The following ATP13A1 variants were observed in gnomAD, a reference collection of about 807,000 sequenced individuals.
The protein encoded by ATP13A1 is ATPase 13A1, also known as endoplasmic reticulum transmembrane helix translocase.
A neutral mutation model predicts 134.8 loss-of-function variants in ATP13A1; 55 were observed. The ratio of observed to expected loss-of-function variants is 0.41; its 90% CI spans 0.33 to 0.51. The LOEUF (loss-of-function observed/expected upper bound fraction) is 0.51. Among genes scored for constraint, ATP13A1 ranks in the 20% least tolerant of loss-of-function variants. ATP13A1 has a pLI of 0.29. For missense variants in ATP13A1, 1,389 were observed against 1,652.8 expected (o/e 0.84, Z 2.77); for synonymous variants, 775 against 725.1 (o/e 1.07, Z -1.10).
chr19:19,662,640 C>A (rs1202554993), intron 1 of ATP13A1, among the ~76,000 whole-genome samples: 2 of 152,158 alleles, frequency 1.3e-5, no homozygotes, highest in African/African-American at 4.8e-5. Flanking sequence ...GCTGTTGTAT[C>A]CCCGACAGAA....
At chr19:19,649,116 C>A (rs112879098) in intron 19 of ATP13A1, among the ~76,000 whole-genome samples, 23,012 of 150,476 alleles carry the variant, frequency 0.15, 1,954 homozygotes, top group Middle Eastern at 0.3. Context: ...AGCAAGGCTC[C>A]GTCAAAAAAA....
chr19:19,647,459 T>C lies in ATP13A1; in HGVS notation c.2863A>G (p.Ser955Gly), dbSNP rs1247106600. ...TTGGAGGTGAAGGGTGCTGCGATGC[T>C]GGCATCCCCCAGTTTCACAATGGGC... The part of the protein sequence containing the change: ...STPIVKLGDA[S>G]IAAPFTSKLS... The change falls in exon 21 of 26, where the codon AGC (serine) becomes GGC (glycine). Residue 955 changes from serine (S) to glycine (G), a missense_variant. Around this residue, in one of 4 missense-constraint regions of ATP13A1, gnomAD observed 121 missense variants for 104.9 expected, o/e 1.15. Transcript: ENST00000357324. This position sits in a 1 kb window ranked among gnomAD's most constrained non-coding sequence, Gnocchi z 4.8. 6.2e-7 allele frequency: 1 copy of C among 1,613,550 alleles called. No individual in the cohort carries two copies. The highest frequency in any genetic ancestry group is 1.1e-5 in the South Asian group (1 of 91,062).
At chr19:19,646,402 T>G (rs2061986103) in intron 22 of ATP13A1, 55 bp from the exon 23 acceptor site, 1 of 1,604,170 alleles carries the variant, frequency 6.2e-7, no homozygotes. Context: ...GGGGCCACCC[T>G]GCCCACACAG....
rs1334472322 is a variant in ATP13A1 at position 19,647,992 on chromosome 19, T to C, written c.2633-233A>G. On this transcript the variant is annotated intron_variant, in intron 19 of 25. Coordinates refer to ENST00000357324, the MANE Select transcript of ATP13A1 (RefSeq NM_020410.3). This position sits in a 1 kb window ranked among gnomAD's most constrained non-coding sequence, Gnocchi z 4.8. ...CAATAAACCCCCACAACAAATGCAATGAAAAAACACACAACACGAGATAGG... is the reference window on the plus strand; with the variant it reads ...CAATAAACCCCCACAACAAATGCAACGAAAAAACACACAACACGAGATAGG... Among the ~76,000 whole-genome samples the C allele has an allele frequency of 6.6e-6, 1 of 151,964 alleles. No individual in the cohort carries two copies. The highest frequency in any genetic ancestry group is 1.5e-5 in the Non-Finnish European group (1 of 67,988).
At position 19,655,694 on chromosome 19, in the gene ATP13A1, C is replaced by G. The variant is rs752002368; in HGVS notation, c.1270-40G>C. ...GAACAGCCTTTCTGCTGTCTGGACT[C>G]CCTCCAGCAGCTCAGGCCTGGAAGC... is the stretch of plus-strand genomic sequence containing the variant. On this transcript the variant is annotated intron_variant, in intron 9 of 25. Coordinates refer to ENST00000357324, the MANE Select transcript of ATP13A1 (RefSeq NM_020410.3). This position sits in a 1 kb window ranked among gnomAD's most constrained non-coding sequence, Gnocchi z 5.7. 4.4e-6 allele frequency: 7 copies of G among 1,596,766 alleles called. No individual in the cohort carries two copies.
intron 15 of ATP13A1, 111 bp from the exon 16 acceptor site, chr19:19,652,831 T>G: frequency 7.2e-7 from 1 of 1,396,650 alleles, no homozygotes; most frequent in Non-Finnish European, 9.5e-7. Context: ...GAAGGCCCTG[T>G]TCCCGTAGTG....
Position 19,655,842 on chromosome 19 carries a change from C to T in ATP13A1, c.1269+36G>A. ...GGCTGATACCTTGGCTGTCCAACTG[C>T]CCTGGGGCCCGCCCTCCCCAGACCT... On this transcript the variant is annotated intron_variant, in intron 9 of 25. Transcript: ENST00000357324. This position sits in a 1 kb window ranked among gnomAD's most constrained non-coding sequence, Gnocchi z 5.7. 1 of 1,556,634 alleles carries T rather than the reference C, an allele frequency of 6.4e-7. No individual in the cohort carries two copies.
intron 17 of ATP13A1, chr19:19,651,393 A>G: frequency 3.8e-6 from 1 of 262,276 alleles, no homozygotes; most frequent in East Asian, 6.9e-5. Context: ...GATGGGGAGT[A>G]AGCGTGGTAG....
In ATP13A1 at chr19:19,647,665, G is replaced by A. The variant is rs145881010; in HGVS notation, c.2727C>T (p.Ala909=). ...ACCGCTGCTTGGCTGTCCTGGAGGTGGCTCTGATGCCACTGTTGCTCAGGG... is the reference window on the plus strand; with the variant it reads ...ACCGCTGCTTGGCTGTCCTGGAGGTAGCTCTGATGCCACTGTTGCTCAGGG... The part of the protein sequence containing the change: ...SPTLSNSGIR[A]TSRTAKQRSG... Residue 909 remains alanine (A), a synonymous_variant, in exon 20 of 26, where the codon GCC becomes GCT. Transcript: ENST00000357324. The surrounding 1 kb of genome is among the most constrained non-coding windows in gnomAD (Gnocchi z 4.8). The A allele has an allele frequency of 6.2e-7, 1 of 1,612,860 alleles. No individual in the cohort carries two copies. The highest frequency in any genetic ancestry group is 8.5e-7 in the Non-Finnish European group (1 of 1,179,848).
At chr19:19,662,042 CCTTT>C (rs2062098187) in intron 1 of ATP13A1, 7 of 1,563,676 alleles carry the variant, frequency 4.5e-6, no homozygotes, top group African/African-American at 2.7e-5. Context: ...CAGAAGCGGC[CCTTT>C]CTGAGATCTG....
intron 1 of ATP13A1, 136 bp from the exon 2 acceptor site, chr19:19,660,123 A>C: frequency 1.4e-6 from 1 of 711,226 alleles, no homozygotes; most frequent in South Asian, 1.7e-5. Flanking sequence ...TGCCTCTGTC[A>C]CTCCCTCGTC....
At chr19:19,654,204 T>G (rs779940555) in intron 13 of ATP13A1, 60 bp from the exon 14 acceptor site, 68 of 1,489,234 alleles carry the variant, frequency 4.6e-5, no homozygotes, top group Middle Eastern at 2.4e-4. Context: ...GCCAAGCCCC[T>G]ACCTCTCACC....
intron 17 of ATP13A1, chr19:19,651,380 G>A (rs1470185262): frequency 4.2e-6 from 1 of 238,950 alleles, no homozygotes; most frequent in East Asian, 8.2e-5. Context: ...GGATGACACT[G>A]AGGATGGGGA....
chr19:19,650,263 G>C (rs2062015623), intron 17 of ATP13A1: 1 of 441,286 alleles, frequency 2.3e-6, no homozygotes, highest in African/African-American at 2.0e-5. Flanking sequence ...ACACAGAAGG[G>C]GGCTATTGCG....
In ATP13A1 at chr19:19,647,508, C is replaced by T. The variant is rs771007617; in HGVS notation, c.2814G>A (p.Leu938=). The T allele has an allele frequency of 6.2e-7, 1 of 1,613,080 alleles. No homozygotes were observed. Among genetic ancestry groups the T allele is most frequent in the South Asian group, 1.1e-5 (1 of 90,922 alleles). ...TSQRDRLSQV[L]RDLEDESTPI... The stretch of plus-strand genomic sequence containing the variant: ...GCGTACTCTCGTCCTCGAGGTCTCG[C>T]AGCACCTGGCTCAGGCGGTCCTGCA... Residue 938 remains leucine, a synonymous_variant, in exon 21 of 26, where the codon CTG becomes CTA. Coordinates refer to ENST00000357324, the MANE Select transcript of ATP13A1 (RefSeq NM_020410.3). The surrounding 1 kb of genome is among the most constrained non-coding windows in gnomAD (Gnocchi z 4.8).
At chr19:19,652,319 G>C (rs1270287116) in intron 16 of ATP13A1, among the ~76,000 whole-genome samples, 2 of 152,170 alleles carry the variant, frequency 1.3e-5, no homozygotes, top group African/African-American at 4.8e-5. Flanking sequence ...CTTCTCTCCA[G>C]GACGGCGGTG....
intron 19 of ATP13A1, among the ~76,000 whole-genome samples, chr19:19,648,970 A>C (rs888188247): frequency 2.6e-5 from 4 of 151,528 alleles, no homozygotes; most frequent in African/African-American, 9.7e-5. Context: ...AAAAATACAA[A>C]AATTAGCCAG....
chr19:19,655,210 G>C lies in ATP13A1; in HGVS notation c.1564C>G (p.Pro522Ala). ...YMYCTEPFRI[P>A]FAGKVEVCCF... Reference sequence around the variant, plus strand: ...CACACCTCGACCTTGCCAGCAAAGGGGATCCGGAAGGGCTCTGTGCAGTAC... The same window carrying C: ...CACACCTCGACCTTGCCAGCAAAGGCGATCCGGAAGGGCTCTGTGCAGTAC... The change falls in exon 12 of 26, where the codon CCC becomes GCC. Residue 522 changes from proline to alanine, a missense_variant. By Grantham distance (27) the Pro-to-Ala change is conservative (BLOSUM62 -1). Coordinates refer to ENST00000357324, the MANE Select transcript of ATP13A1 (RefSeq NM_020410.3). The surrounding 1 kb of genome is among the most constrained non-coding windows in gnomAD (Gnocchi z 5.7). 4 of 1,614,038 alleles carry C rather than the reference G, an allele frequency of 2.5e-6. No individual in the cohort carries two copies. Among genetic ancestry groups the C allele is most frequent in the Non-Finnish European group, 3.4e-6 (4 of 1,179,904 alleles).
intron 17 of ATP13A1, chr19:19,650,305 A>G: frequency 3.6e-6 from 1 of 277,552 alleles, no homozygotes; most frequent in South Asian, 6.9e-5. Context: ...CCAGGCCCTC[A>G]CCTCATTTAT....
Sources: allele counts gnomAD v4.1 joint callset (sites outside exome capture counted in the v4.1 genomes callset), GRCh38; gene constraint gnomAD v4.1.1; regional missense constraint gnomAD v4.1.1; non-coding constraint Gnocchi (gnomAD v3.1); transcripts MANE v1.5; gene names NCBI Gene and HGNC (gene_info 2026-07-23, HGNC 2026-07-21).